Variants in DVL1 observed in about 807,000 individuals in gnomAD.
The protein encoded by DVL1 is dishevelled segment polarity protein 1, also known as segment polarity protein dishevelled homolog DVL-1.
A neutral mutation model predicts 65.0 loss-of-function variants in DVL1; 49 were observed. That is an observed-to-expected ratio of 0.75 (90% CI 0.60 to 0.96). The LOEUF is 0.96. Among genes scored for constraint, DVL1 ranks in the 40% least tolerant of loss-of-function variants. The pLI is 0.00. For missense variants in DVL1, 1,197 were observed against 1,045.4 expected, an observed-to-expected ratio of 1.15 and a Z score of -2.00; for synonymous variants, 608 against 433.9, an observed-to-expected ratio of 1.40 and a Z score of -4.99.
chr1:1,341,934 G>C, intron 4 of DVL1, 119 bp downstream of exon 4: 1 of 1,457,836 alleles, frequency 6.9e-7, no homozygotes, highest in Non-Finnish European at 9.2e-7. Context: ...CGCTGGGCCT[G>C]TGCCTCCACC....
intron 11 of DVL1, 86 bp from the exon 12 acceptor site, chr1:1,338,739 C>A: frequency 1.3e-6 from 2 of 1,516,608 alleles, no homozygotes; most frequent in Non-Finnish European, 1.8e-6. Flanking sequence ...AGCCTCTGGG[C>A]AGAGCCTGCG....
intron 14 of DVL1, chr1:1,337,100 C>T: frequency 1.0e-6 from 1 of 987,876 alleles, no homozygotes; most frequent in South Asian, 4.7e-5. Flanking sequence ...ACACGCCCGG[C>T]TGCCTGGCAC....
At chr1:1,341,535 T>A (rs1643827271) in intron 5 of DVL1, 132 bp downstream of exon 5, 52 of 1,215,118 alleles carry the variant, frequency 4.3e-5, no homozygotes, top group Non-Finnish European at 5.7e-5. Context: ...CACAGACATT[T>A]GCAGGCACAC....
rs533183092 is a variant in DVL1, at chr1:1,336,869, C to A, written c.1715-354G>T. Reference sequence around the variant, plus strand: ...CCCCGTGGCCATCCTGGATTCCCCACCCAAGGCCCCACTGTCCCCCCGGCC... The same window carrying A: ...CCCCGTGGCCATCCTGGATTCCCCAACCAAGGCCCCACTGTCCCCCCGGCC... On this transcript the variant is annotated intron_variant, in intron 14 of 14. Coordinates refer to ENST00000378888, the MANE Select transcript of DVL1 (RefSeq NM_001330311.2). The A allele has an allele frequency of 1.9e-3, 1,014 of 545,188 alleles. 5 individuals carry two copies. The African/African-American group carries it at 0.019, about 10-fold the overall frequency. 33.8% of individuals were successfully genotyped at this position (545,188 alleles called of 1,614,324 possible). A position where few individuals can be genotyped will look rare whatever the true frequency, so the allele number is the denominator to read the frequency against.
Position 1,338,650 on chromosome 1 carries a change from A to C in DVL1, c.1211T>G (p.Leu404Arg). 1 of 1,609,114 alleles carries C rather than the reference A, an allele frequency of 6.2e-7. No homozygotes were observed. The highest frequency in any genetic ancestry group is 1.1e-5 in the South Asian group (1 of 91,052). The change falls in exon 12 of 15, where the codon CTG (leucine) becomes CGG (arginine). Residue 404 changes from leucine to arginine, a missense_variant. Coordinates refer to ENST00000378888, the MANE Select transcript of DVL1 (RefSeq NM_001330311.2). The stretch of plus-strand genomic sequence containing the variant: ...CTTCACCGTCAGCGGCGCCTCTTCC[A>C]GCTCTGCAAAGCACAGACAGCCCCG... ...LTSSVPGAPQLEEAPLTVKSD... is the reference protein window; with the variant it reads ...LTSSVPGAPQREEAPLTVKSD...
In DVL1 at chr1:1,337,970, T is replaced by G; in HGVS notation, c.1714+7A>C. 1 of 1,609,972 alleles carries G rather than the reference T, an allele frequency of 6.2e-7. No individual in the cohort carries two copies. The highest frequency in any genetic ancestry group is 8.5e-7 in the Non-Finnish European group (1 of 1,179,078). ...CGGGGAAGGGCAGGTAGGGGCGGCG[T>G]TCTCACCTTCACTCTGCTGACTCCC... is the stretch of plus-strand genomic sequence containing the variant. On this transcript the variant is annotated splice_region_variant and intron_variant, in intron 14 of 14. Transcript: ENST00000378888.
At position 1,341,784 on chromosome 1, in the gene DVL1, G is replaced by A; in HGVS notation, c.488C>T (p.Pro163Leu). Residue 163 changes from proline (P) to leucine (L), a missense_variant, in exon 5 of 15, where the codon CCA becomes CTA. Pro to Leu is a moderately conservative substitution (Grantham distance 98, BLOSUM62 -3). Transcript: ENST00000378888. ...CACATCCCGCCGTCGGTCTCCCCTT[G>A]GGTGCCCATTGGTCCGGGCGGCTGT... ...REEAARTNGH[P>L]RGDRRRDVGL... The A allele has an allele frequency of 3.8e-6, 6 of 1,598,038 alleles. No homozygotes were observed. Among genetic ancestry groups the A allele is most frequent in the Non-Finnish European group, 5.1e-6 (6 of 1,171,064 alleles).
intron 11 of DVL1, 76 bp from the exon 12 acceptor site, chr1:1,338,729 A>C (rs953898473): frequency 6.5e-7 from 1 of 1,543,664 alleles, no homozygotes; most frequent in African/African-American, 1.4e-5. Context: ...CCCCCAGGGG[A>C]GCCTCTGGGC....
At chr1:1,338,699 G>A (rs372840917) in intron 11 of DVL1, 46 bp from the exon 12 acceptor site, 28 of 1,585,148 alleles carry the variant, frequency 1.8e-5, no homozygotes, top group African/African-American at 9.4e-5. Flanking sequence ...ATCTGAAGGC[G>A]GGGGACTCAG....
At chr1:1,339,555 G>A (rs375988405) in intron 10 of DVL1, 27 bp downstream of exon 10, 46 of 1,567,126 alleles carry the variant, frequency 2.9e-5, no homozygotes, top group African/African-American at 1.1e-4. Flanking sequence ...TCCCCATCCC[G>A]CCCCGTGTGC....
At chr1:1,342,808 G>C (rs376614848) in intron 1 of DVL1, 50 bp from the exon 2 acceptor site, 1 of 1,585,128 alleles carries the variant, frequency 6.3e-7, no homozygotes, top group Non-Finnish European at 8.6e-7. Flanking sequence ...CCAACCCTGC[G>C]GTTCTAGAGG....
chr1:1,338,758 C>T (rs1301382145), intron 11 of DVL1, 105 bp from the exon 12 acceptor site: 1 of 1,478,250 alleles, frequency 6.8e-7, no homozygotes, highest in African/African-American at 1.4e-5. Flanking sequence ...CGCCAGGGCG[C>T]AAGCTGGACG....
In DVL1 at chr1:1,337,961, G is replaced by C. The variant is rs763149026; in HGVS notation, c.1714+16C>G. On this transcript the variant is annotated intron_variant, in intron 14 of 14. Coordinates refer to ENST00000378888, the MANE Select transcript of DVL1 (RefSeq NM_001330311.2). ...GGGCGGAGCCGGGGAAGGGCAGGTAGGGGCGGCGTTCTCACCTTCACTCTG... is the reference window on the plus strand; with the variant it reads ...GGGCGGAGCCGGGGAAGGGCAGGTACGGGCGGCGTTCTCACCTTCACTCTG... 2 of 1,606,792 alleles carry C rather than the reference G, an allele frequency of 1.2e-6. No homozygotes were observed. Among genetic ancestry groups the C allele is most frequent in the East Asian group, 2.2e-5 (1 of 44,792 alleles).
In DVL1 at chr1:1,336,360, G is replaced by T; in HGVS notation, c.1870C>A (p.Leu624Ile). Residue 624 changes from leucine to isoleucine, a missense_variant, in exon 15 of 15, where the codon CTC becomes ATC. Transcript: ENST00000378888. ...SSWRERPAGQ[L>I]SRGSSPRSQA... ...CTGCGTGGGCTGCTGCCACGGCTGA[G>T]CTGGCCGGCCGGACGCTCTCGCCAG... The T allele has an allele frequency of 6.3e-7, 1 of 1,596,214 alleles. No individual in the cohort carries two copies. The highest frequency in any genetic ancestry group is 8.5e-7 in the Non-Finnish European group (1 of 1,177,762).
chr1:1,346,063 C>T (rs1643910474), intron 1 of DVL1, among the ~76,000 whole-genome samples: 1 of 152,162 alleles, frequency 6.6e-6, no homozygotes, highest in South Asian at 2.1e-4. Flanking sequence ...CTCCCAAAAC[C>T]AGGGAGGCAC....
chr1:1,345,589 G>A (rs1319914234), intron 1 of DVL1, among the ~76,000 whole-genome samples: 1 of 152,108 alleles, frequency 6.6e-6, no homozygotes, highest in East Asian at 1.9e-4. Context: ...GATTCCCTGT[G>A]AGGCCTGGCT....
intron 1 of DVL1, 103 bp from the exon 2 acceptor site, chr1:1,342,861 A>G: frequency 9.5e-7 from 1 of 1,055,302 alleles, no homozygotes; most frequent in East Asian, 2.4e-5. Context: ...ACACAATGTC[A>G]CTCTGTGGAC....
Position 1,340,411 on chromosome 1 carries a change from C to A in DVL1, c.698G>T (p.Arg233Leu), listed in dbSNP as rs776763302. Residue 233 changes from arginine (R) to leucine (L), a missense_variant and splice_region_variant, in exon 6 of 15, where the codon CGG becomes CTG. Arg to Leu is a moderately radical substitution (Grantham distance 102). Coordinates refer to ENST00000378888, the MANE Select transcript of DVL1 (RefSeq NM_001330311.2). ...GCCCTGCTCCACCCGGCTGCCTACCCGGTCCGCCTGCCGAAGGCGCTGCTT... is the reference window on the plus strand; with the variant it reads ...GCCCTGCTCCACCCGGCTGCCTACCAGGTCCGCCTGCCGAAGGCGCTGCTT... Reference protein sequence around the residue: ...RRKQRLRQADRASSFSSITDS... With the variant: ...RRKQRLRQADLASSFSSITDS... 1 of 1,609,652 alleles carries A rather than the reference C, an allele frequency of 6.2e-7. No homozygotes were observed. The highest frequency in any genetic ancestry group is 1.1e-5 in the South Asian group (1 of 90,780).
At chr1:1,337,929 G>C (rs1254206109) in intron 14 of DVL1, 48 bp downstream of exon 14, 2 of 1,497,388 alleles carry the variant, frequency 1.3e-6, no homozygotes, top group African/African-American at 1.4e-5. Context: ...GAGTGGGGCG[G>C]AGCTGGGGGC....
Sources: allele counts gnomAD v4.1 joint callset (sites outside exome capture counted in the v4.1 genomes callset), GRCh38; gene constraint gnomAD v4.1.1; transcripts MANE v1.5; gene names NCBI Gene and HGNC (gene_info 2026-07-23, HGNC 2026-07-21).